TTC21B: variants seen among roughly 807,000 people sequenced by gnomAD.
TTC21B encodes tetratricopeptide repeat protein 21B.
A neutral mutation model predicts 175.1 loss-of-function variants in TTC21B; 127 were observed. The observed-to-expected ratio is 0.73, with a 90% confidence interval of 0.63 to 0.84. The LOEUF (loss-of-function observed/expected upper bound fraction) is 0.84, where lower values mean the gene tolerates loss of function less well. Ranked by LOEUF, TTC21B falls within the 40% of genes least tolerant of loss-of-function variation. The pLI is 0.00. For synonymous variants in TTC21B, 524 were observed against 524.5 expected (o/e 1.00, Z 0.01); for missense variants, 1,561 against 1,558.3 (o/e 1.00, Z -0.03).
intron 22 of TTC21B, among the ~76,000 whole-genome samples, chr2:165,896,558 C>G (rs1371497469): frequency 2.6e-5 from 4 of 152,004 alleles, no homozygotes; most frequent in Non-Finnish European, 1.5e-5. Context: ...GATAAAGGGA[C>G]AGAGAGCAAG....
chr2:165,903,930 G>A (rs1249920813), intron 19 of TTC21B, among the ~76,000 whole-genome samples: 3 of 152,018 alleles, frequency 2.0e-5, no homozygotes, highest in Non-Finnish European at 4.4e-5. Context: ...GTCATTAGTG[G>A]GAAGAATGTT....
At chr2:165,896,482 C>T (rs868804203) in intron 22 of TTC21B, among the ~76,000 whole-genome samples, 6 of 152,196 alleles carry the variant, frequency 3.9e-5, no homozygotes, top group African/African-American at 1.2e-4. Context: ...TTTTGTTTCA[C>T]AAGGGCTACA....
At chr2:165,882,958 T>C (rs1012110745) in intron 26 of TTC21B, among the ~76,000 whole-genome samples, 1 of 152,166 alleles carries the variant, frequency 6.6e-6, no homozygotes, top group African/African-American at 2.4e-5. Flanking sequence ...TCTAGAATAG[T>C]GCATAAATTG....
At chr2:165,893,526 A>C (rs754701802) in intron 22 of TTC21B, among the ~76,000 whole-genome samples, 17 of 152,206 alleles carry the variant, frequency 1.1e-4, no homozygotes, top group Non-Finnish European at 1.9e-4. Context: ...ATGACATTTG[A>C]CAGAAGGCAA....
intron 19 of TTC21B, among the ~76,000 whole-genome samples, chr2:165,905,272 A>G (rs1462360654): frequency 1.3e-5 from 2 of 152,186 alleles, no homozygotes; most frequent in African/African-American, 4.8e-5. Context: ...AATTTAACTC[A>G]GATAAAAGTC....
At chr2:165,938,332 G>A (rs1350821147) in intron 6 of TTC21B, among the ~76,000 whole-genome samples, 1 of 151,876 alleles carries the variant, frequency 6.6e-6, no homozygotes, top group Non-Finnish European at 1.5e-5. Flanking sequence ...TTCTAGCTAA[G>A]AAACAAAGAA....
chr2:165,913,207 G>A (rs1400734833), intron 16 of TTC21B, among the ~76,000 whole-genome samples: 1 of 151,958 alleles, frequency 6.6e-6, no homozygotes, highest in African/African-American at 2.4e-5. Flanking sequence ...TGTATTTTTT[G>A]TAGAGACGGG....
intron 19 of TTC21B, among the ~76,000 whole-genome samples, chr2:165,902,621 C>A (rs865911652): frequency 6.6e-6 from 1 of 152,020 alleles, no homozygotes; most frequent in South Asian, 2.1e-4. Flanking sequence ...TTAATACTGT[C>A]TCATGAAATT....
chr2:165,891,850 G>T (rs1685207498), intron 22 of TTC21B, among the ~76,000 whole-genome samples: 1 of 151,890 alleles, frequency 6.6e-6, no homozygotes, highest in African/African-American at 2.4e-5. Context: ...ATTTTGGTGT[G>T]CTTTCTTTCA....
intron 5 of TTC21B, among the ~76,000 whole-genome samples, chr2:165,941,834 T>G (rs946728893): frequency 2.0e-5 from 3 of 152,162 alleles, no homozygotes; most frequent in Non-Finnish European, 2.9e-5. Context: ...GATATAAATT[T>G]GTAGACGTAG....
intron 4 of TTC21B, 50 bp from the exon 5 acceptor site, chr2:165,943,391 A>G (rs767563983): frequency 7.1e-7 from 1 of 1,404,188 alleles, no homozygotes; most frequent in South Asian, 1.2e-5. Context: ...GAGAGAAATA[A>G]ATGTTAATGA....
intron 19 of TTC21B, among the ~76,000 whole-genome samples, chr2:165,906,172 G>A (rs564383310): frequency 6.9e-6 from 1 of 145,442 alleles, no homozygotes; most frequent in African/African-American, 2.5e-5. Context: ...AACCAGTGTT[G>A]AGAGAGAAAT....
intron 18 of TTC21B, among the ~76,000 whole-genome samples, chr2:165,909,774 T>C (rs1685866696): frequency 6.6e-6 from 1 of 152,140 alleles, no homozygotes; most frequent in Non-Finnish European, 1.5e-5. Flanking sequence ...AATATGAGAC[T>C]CATCAAATCA....
At chr2:165,912,758 C>CT in intron 16 of TTC21B, 134 bp from the exon 17 acceptor site, 1 of 742,578 alleles carries the variant, frequency 1.3e-6, no homozygotes, top group Non-Finnish European at 2.4e-6. Context: ...AGCACAGGAA[C>CT]TTTAACAATT....
At chr2:165,934,500 C>CAAAAAAAAAA (rs369089707) in intron 6 of TTC21B, among the ~76,000 whole-genome samples, 175 of 71,598 alleles carry the variant, frequency 2.4e-3, no homozygotes, top group Middle Eastern at 0.01. Context: ...GACTCTGTCT[C>CAAAAAAAAAA]AAAAAAAAAA....
intron 27 of TTC21B, chr2:165,879,533 G>A (rs1455519443): frequency 6.6e-6 from 1 of 152,110 alleles, no homozygotes; most frequent in Non-Finnish European, 1.5e-5. Flanking sequence ...GAATTCACAC[G>A]GTGACATGGC....
chr2:165,951,448 TA>T (rs905012528), intron 1 of TTC21B, among the ~76,000 whole-genome samples: 34 of 149,918 alleles, frequency 2.3e-4, no homozygotes, highest in South Asian at 8.4e-4. Flanking sequence ...GTTAATGGAA[TA>T]AAAAAAAAAT....
At chr2:165,881,577 A>G (rs1249356362) in intron 26 of TTC21B, among the ~76,000 whole-genome samples, 1 of 152,118 alleles carries the variant, frequency 6.6e-6, no homozygotes, top group East Asian at 1.9e-4. Flanking sequence ...AATTGACTGC[A>G]TCCTTGTGGT....
chr2:165,949,001 A>G, intron 3 of TTC21B: 1 of 232,788 alleles, frequency 4.3e-6, no homozygotes, highest in Non-Finnish European at 8.5e-6. Context: ...CAATAAGCTT[A>G]ATATACAGAA....
Sources: allele counts gnomAD v4.1 joint callset (sites outside exome capture counted in the v4.1 genomes callset), GRCh38; gene constraint gnomAD v4.1.1; transcripts MANE v1.5; gene names NCBI Gene and HGNC (gene_info 2026-07-23, HGNC 2026-07-21).